The following RIMS1 variants were observed in gnomAD, a reference collection of about 807,000 sequenced individuals.
The protein encoded by RIMS1 is regulating synaptic membrane exocytosis protein 1.
RIMS1 carries 83 observed loss-of-function variants against 214.1 expected under a neutral mutation model. The ratio of observed to expected loss-of-function variants is 0.39; its 90% CI spans 0.32 to 0.47. The LOEUF (loss-of-function observed/expected upper bound fraction) is 0.47. RIMS1 is among the 20% of genes least tolerant of loss of function. RIMS1 has a pLI of 0.99. For missense variants in RIMS1, 2,050 were observed against 2,161.8 expected (o/e 0.95, Z 1.03); for synonymous variants, 793 against 786.8 (o/e 1.01, Z -0.13).
chr6:72,385,185 C>CTT (rs2098566581), intron 29 of RIMS1, among the ~76,000 whole-genome samples: 1 of 152,044 alleles, frequency 6.6e-6, no homozygotes, highest in Non-Finnish European at 1.5e-5. Context: ...GACTTTATGT[C>CTT]TTTATAAGGT....
intron 2 of RIMS1, among the ~76,000 whole-genome samples, chr6:72,016,312 A>G (rs1198657044): frequency 1.3e-5 from 2 of 152,008 alleles, no homozygotes; most frequent in African/African-American, 4.8e-5. Flanking sequence ...TTTACTCTCC[A>G]TTTCATTTAT....
intron 2 of RIMS1, among the ~76,000 whole-genome samples, chr6:72,051,809 C>T (rs1017139393): frequency 5.9e-5 from 9 of 152,176 alleles, no homozygotes; most frequent in East Asian, 5.8e-4. Flanking sequence ...GTCTAATTAA[C>T]TACAAAAGTG....
intron 8 of RIMS1, among the ~76,000 whole-genome samples, chr6:72,236,685 G>A (rs547645711): frequency 6.6e-6 from 1 of 151,668 alleles, no homozygotes; most frequent in South Asian, 2.1e-4. Context: ...TTAAGACAGG[G>A]CTATTTAATC....
intron 2 of RIMS1, among the ~76,000 whole-genome samples, chr6:72,008,071 G>C (rs1808566865): frequency 6.6e-6 from 1 of 152,200 alleles, no homozygotes; most frequent in South Asian, 2.1e-4. Flanking sequence ...GGTTGCCAGA[G>C]AGAAAGGTCG....
chr6:72,045,245 C>A (rs972930010), intron 2 of RIMS1, among the ~76,000 whole-genome samples: 3 of 151,746 alleles, frequency 2.0e-5, no homozygotes, highest in Non-Finnish European at 4.4e-5. Context: ...TGTTTTATAT[C>A]TTTATTGTCA....
chr6:71,990,080 G>T (rs1477581906), intron 2 of RIMS1, among the ~76,000 whole-genome samples: 1 of 152,152 alleles, frequency 6.6e-6, no homozygotes, highest in African/African-American at 2.4e-5. Flanking sequence ...CTCTACCATT[G>T]CCCCTATTCA....
At chr6:71,914,104 G>A (rs539610230) in intron 1 of RIMS1, among the ~76,000 whole-genome samples, 1 of 152,268 alleles carries the variant, frequency 6.6e-6, no homozygotes, top group East Asian at 1.9e-4. Flanking sequence ...GTTTCAGGAT[G>A]AATGTGCAAT....
intron 1 of RIMS1, among the ~76,000 whole-genome samples, chr6:71,963,375 A>C (rs1793517298): frequency 6.6e-6 from 1 of 152,192 alleles, no homozygotes; most frequent in Non-Finnish European, 1.5e-5. Context: ...CAGGGTGGTA[A>C]GAAGAATACG....
intron 1 of RIMS1, among the ~76,000 whole-genome samples, chr6:71,915,990 TC>T (rs1778287559): frequency 6.6e-6 from 1 of 151,778 alleles, no homozygotes; most frequent in African/African-American, 2.4e-5. Flanking sequence ...GGAAAGACCC[TC>T]CCCCATGATT....
chr6:72,037,544 G>A (rs2152057816), intron 2 of RIMS1, among the ~76,000 whole-genome samples: 1 of 151,914 alleles, frequency 6.6e-6, no homozygotes, highest in Admixed American at 6.6e-5. Flanking sequence ...AGGTGTAATA[G>A]AGATATCAAA....
At chr6:71,938,996 CA>C (rs1318164279) in intron 1 of RIMS1, among the ~76,000 whole-genome samples, 1 of 152,144 alleles carries the variant, frequency 6.6e-6, no homozygotes, top group African/African-American at 2.4e-5. Context: ...TCACTGTATG[CA>C]GTTAAAAGAA....
intron 29 of RIMS1, 68 bp downstream of exon 29, chr6:72,333,903 T>A: frequency 9.0e-7 from 1 of 1,111,002 alleles, no homozygotes; most frequent in Non-Finnish European, 1.3e-6. Context: ...ATCTTCATGC[T>A]ATGGCTTGTG....
At chr6:71,920,554 TG>T (rs1322473134) in intron 1 of RIMS1, among the ~76,000 whole-genome samples, 1 of 152,206 alleles carries the variant, frequency 6.6e-6, no homozygotes, top group Non-Finnish European at 1.5e-5. Context: ...AACAAACTCT[TG>T]GTGCTTATGT....
At chr6:72,098,200 T>A (rs72934887) in intron 3 of RIMS1, among the ~76,000 whole-genome samples, 9,306 of 152,258 alleles carry the variant, frequency 0.061, 355 homozygotes, top group Middle Eastern at 0.1. Context: ...CAATCAACAT[T>A]ATATTCTTTA....
chr6:72,125,777 C>T (rs978938862), intron 4 of RIMS1, among the ~76,000 whole-genome samples: 4 of 152,180 alleles, frequency 2.6e-5, no homozygotes, highest in African/African-American at 7.2e-5. Context: ...ACTCTGTGGA[C>T]GTGGGACCCA....
chr6:72,133,244 T>C (rs1432052577), intron 4 of RIMS1, among the ~76,000 whole-genome samples: 3 of 139,122 alleles, frequency 2.2e-5, no homozygotes, highest in African/African-American at 5.1e-5. Flanking sequence ...TTTTTTTTTT[T>C]CCTGATACAG....
intron 4 of RIMS1, among the ~76,000 whole-genome samples, chr6:72,132,135 A>G (rs1587780402): frequency 6.6e-6 from 1 of 152,230 alleles, no homozygotes. Context: ...GAGGCGACAT[A>G]CATCCTCCTC....
In RIMS1 at chr6:72,189,820, G is replaced by A. The variant is rs552288689; in HGVS notation, c.1678+6671G>A. ...TGGCTGGGGAAAGAGGCTGAGTGTT[G>A]TCCACACAACGAGTGATCCTATCCA... On this transcript the variant is annotated intron_variant, in intron 6 of 33. Coordinates refer to ENST00000521978, the MANE Select transcript of RIMS1 (RefSeq NM_014989.7). Among the ~76,000 whole-genome samples the A allele has an allele frequency of 3.3e-5, 5 of 152,312 alleles. No homozygotes were observed. In the East Asian group the frequency reaches 9.7e-4, roughly 29 times the overall value.
At chr6:72,217,011 T>C in intron 6 of RIMS1, 1 of 1,420,558 alleles carries the variant, frequency 7.0e-7, no homozygotes, top group Non-Finnish European at 9.2e-7. Context: ...TTGTATAATG[T>C]TGGACACTGC....
Sources: gnomAD v4.1 joint callset for allele counts (sites outside exome capture counted in the v4.1 genomes callset) on GRCh38, gnomAD v4.1.1 for gene constraint, MANE v1.5 for transcripts, NCBI Gene and HGNC (gene_info 2026-07-23, HGNC 2026-07-21) for gene names.